PRKACB: variants seen among roughly 807,000 people sequenced by gnomAD.
PRKACB encodes protein kinase cAMP-activated catalytic subunit beta, also known as cAMP-dependent protein kinase catalytic subunit beta.
In PRKACB, 16 loss-of-function variants were observed where a neutral mutation model predicts 51.4. That is an observed-to-expected ratio of 0.31 (90% CI 0.21 to 0.47). The LOEUF is 0.47. Among genes scored for constraint, PRKACB ranks in the 20% least tolerant of loss-of-function variants. The pLI is 1.00. For synonymous variants in PRKACB, 147 were observed against 154.4 expected, an observed-to-expected ratio of 0.95 and a Z score of 0.35; for missense variants, 309 against 464.5, an observed-to-expected ratio of 0.67 and a Z score of 3.08.
chr1:84,211,683 C>T (rs1364926765), intron 8 of PRKACB, among the ~76,000 whole-genome samples: 1 of 152,140 alleles, frequency 6.6e-6, no homozygotes, highest in Non-Finnish European at 1.5e-5. Context: ...TTTGGAATTA[C>T]ACCTTTACTA....
At chr1:84,210,539 C>T (rs905490253) in intron 8 of PRKACB, among the ~76,000 whole-genome samples, 7 of 152,122 alleles carry the variant, frequency 4.6e-5, no homozygotes, top group African/African-American at 1.7e-4. Context: ...TTGGTAGCCT[C>T]ACAGGAGCTC....
chr1:84,124,538 A>G (rs1209159686), intron 1 of PRKACB, among the ~76,000 whole-genome samples: 4 of 152,130 alleles, frequency 2.6e-5, no homozygotes, highest in African/African-American at 9.7e-5. Context: ...GTTTTTTAAA[A>G]CTGGACATTT....
At chr1:84,173,337 T>C in intron 1 of PRKACB, 2 of 1,575,140 alleles carry the variant, frequency 1.3e-6, no homozygotes, top group Non-Finnish European at 1.7e-6. Flanking sequence ...AGCACGCAAA[T>C]CATCAGATGC....
chr1:84,086,603 G>C (rs1000740883), intron 1 of PRKACB, among the ~76,000 whole-genome samples: 1 of 152,138 alleles, frequency 6.6e-6, no homozygotes, highest in Non-Finnish European at 1.5e-5. Context: ...TCTCTTTCTT[G>C]CTGCTGTTTT....
chr1:84,223,235 T>C (rs1482004143), intron 9 of PRKACB, among the ~76,000 whole-genome samples: 2 of 152,172 alleles, frequency 1.3e-5, no homozygotes, highest in African/African-American at 4.8e-5. Context: ...GGTGGGTCTG[T>C]CTGAATTATT....
At chr1:84,198,937 GTGTATATATACATATATATTCATATA>G (rs1669026272) in intron 7 of PRKACB, among the ~76,000 whole-genome samples, 1 of 145,916 alleles carries the variant, frequency 6.9e-6, no homozygotes, top group South Asian at 2.1e-4. Flanking sequence ...ATATGTATAT[GTGTATATATACATATATATTCATATA>G]TATGTGTATA....
rs141117693 is a variant in PRKACB at position 84,188,585 on chromosome 1, C to G, written c.560+3403C>G. On this transcript the variant is annotated intron_variant, in intron 5 of 9. Transcript: ENST00000370685. ...AGACAATAACCAGAATTATGAATAACGTTAATTTCTCTGAATTTATATAAT... is the reference window on the plus strand; with the variant it reads ...AGACAATAACCAGAATTATGAATAAGGTTAATTTCTCTGAATTTATATAAT... 2.7e-5 allele frequency among the ~76,000 whole-genome samples: 4 copies of G among 150,828 alleles called. No individual in the cohort carries two copies. In the Admixed American group the frequency reaches 2.7e-4, roughly 10 times the overall value.
chr1:84,198,837 ATG>A (rs1362720524), intron 7 of PRKACB, among the ~76,000 whole-genome samples: 1 of 149,718 alleles, frequency 6.7e-6, no homozygotes, highest in Non-Finnish European at 1.5e-5. Flanking sequence ...ATGTACATAT[ATG>A]TATATATGTG....
At chr1:84,223,459 C>T (rs12135562) in intron 9 of PRKACB, among the ~76,000 whole-genome samples, 6,208 of 151,478 alleles carry the variant, frequency 0.041, 148 homozygotes, top group Middle Eastern at 0.096. Context: ...AGCTCCACCT[C>T]CTGGGTTCAC....
chr1:84,194,317 A>T (rs1337612567), intron 5 of PRKACB, among the ~76,000 whole-genome samples: 1 of 152,198 alleles, frequency 6.6e-6, no homozygotes, highest in Admixed American at 6.5e-5. Context: ...TACTAAAAGG[A>T]TAGCAAGTTG....
Position 84,204,466 on chromosome 1 carries a change from T to G in PRKACB, c.906+1661T>G. On this transcript the variant is annotated intron_variant, in intron 8 of 9. Transcript: ENST00000370685. ...GCTTCAGACTTCTTATCTTTGTAATTGTTTTCTCCCAGCAGAACTTTTGAT... is the reference window on the plus strand; with the variant it reads ...GCTTCAGACTTCTTATCTTTGTAATGGTTTTCTCCCAGCAGAACTTTTGAT... 3.9e-6 allele frequency: 6 copies of G among 1,551,866 alleles called. No homozygotes were observed. The South Asian group carries it at 5.6e-5, about 14-fold the overall frequency.
chr1:84,193,002 T>C (rs1667231780), intron 5 of PRKACB, among the ~76,000 whole-genome samples: 1 of 152,028 alleles, frequency 6.6e-6, no homozygotes. Context: ...GGAAGAACAA[T>C]AAGCCTTCTC....
At position 84,236,613 on chromosome 1, in the gene PRKACB, A is replaced by T. The variant is rs1436625292; in HGVS notation, c.*1308A>T. The T allele has an allele frequency of 6.6e-6, 1 of 152,642 alleles. No homozygotes were observed. Among genetic ancestry groups the T allele is most frequent in the African/African-American group, 2.4e-5 (1 of 41,448 alleles). The allele number at this position is 152,642 out of a possible 1,614,324, so 9.5% of individuals were successfully genotyped here. ...ACAGAATGTCTGATCGATCATGCAG[A>T]TACAATGTTGGTATTTGAGAGGTTA... On this transcript the variant is annotated 3_prime_UTR_variant, in exon 10 of 10. Transcript: ENST00000370685.
At chr1:84,148,638 G>T (rs1474397933) in intron 1 of PRKACB, among the ~76,000 whole-genome samples, 1 of 151,956 alleles carries the variant, frequency 6.6e-6, no homozygotes, top group African/African-American at 2.4e-5. Flanking sequence ...AAAGCCCATG[G>T]CCATTAACCA....
chr1:84,233,007 C>G (rs542718160), intron 9 of PRKACB, among the ~76,000 whole-genome samples: 1 of 151,882 alleles, frequency 6.6e-6, no homozygotes, highest in Admixed American at 6.6e-5. Context: ...TCTTCATAGT[C>G]TCGATGGTCT....
At chr1:84,208,169 G>C (rs1212746591) in intron 8 of PRKACB, among the ~76,000 whole-genome samples, 1 of 152,212 alleles carries the variant, frequency 6.6e-6, no homozygotes, top group East Asian at 1.9e-4. Context: ...AAACTAGATA[G>C]TGAGTTTAAA....
Position 84,234,636 on chromosome 1 carries a change from G to A in PRKACB, c.1072-544G>A, listed in dbSNP as rs191123415. ...TCCTGGTGCGCCGTTTTTTAAGCCC[G>A]TGGGAAAAGCGCAGTATTCGGGTGG... is the stretch of plus-strand genomic sequence containing the variant. On this transcript the variant is annotated intron_variant, in intron 9 of 9. Coordinates refer to ENST00000370685, the MANE Select transcript of PRKACB (RefSeq NM_182948.4). Among the ~76,000 whole-genome samples, 107 of 152,254 alleles carry A rather than the reference G, an allele frequency of 7.0e-4. 1 individual carries two copies. The highest frequency in any genetic ancestry group is 6.6e-3 in the East Asian group (34 of 5,176).
intron 5 of PRKACB, among the ~76,000 whole-genome samples, chr1:84,192,742 T>C (rs1158934967): frequency 1.3e-5 from 2 of 152,190 alleles, no homozygotes; most frequent in African/African-American, 4.8e-5. Context: ...TTTGTCACCA[T>C]GGTCTTTTAG....
At position 84,182,075 on chromosome 1, in the gene PRKACB, G is replaced by C. The variant is rs1231257425; in HGVS notation, c.250-125G>C. The C allele has an allele frequency of 4.2e-6, 3 of 713,666 alleles. No individual in the cohort carries two copies. The East Asian group carries it at 9.6e-5, about 23-fold the overall frequency. The allele number at this position is 713,666 out of a possible 1,614,324, so 44.2% of individuals were successfully genotyped here. On this transcript the variant is annotated intron_variant, in intron 2 of 9. Coordinates refer to ENST00000370685, the MANE Select transcript of PRKACB (RefSeq NM_182948.4). ...AAACTGGAATCTCAATAGCTTTTTT[G>C]TATTGCATTTAAATGGATAGTTATA...
Sources: allele counts gnomAD v4.1 joint callset (sites outside exome capture counted in the v4.1 genomes callset), GRCh38; gene constraint gnomAD v4.1.1; transcripts MANE v1.5; gene names NCBI Gene and HGNC (gene_info 2026-07-23, HGNC 2026-07-21).